Variants in HTRA1 observed in about 807,000 individuals in gnomAD.
The protein encoded by HTRA1 is serine protease HTRA1.
In HTRA1, 26 loss-of-function variants were observed where a neutral mutation model predicts 49.7. The observed-to-expected ratio is 0.52, with a 90% CI of 0.38 to 0.73. The LOEUF (loss-of-function observed/expected upper bound fraction) is 0.73. HTRA1 is among the 30% of genes least tolerant of loss of function. The pLI is 0.00. For synonymous variants in HTRA1, 291 were observed against 286.9 expected, an observed-to-expected ratio of 1.01 and a Z score of -0.14; for missense variants, 561 against 667.2, an observed-to-expected ratio of 0.84 and a Z score of 1.75.
intron 1 of HTRA1, among the ~76,000 whole-genome samples, chr10:122,468,614 G>T (rs1160548531): frequency 2.0e-5 from 3 of 152,158 alleles, no homozygotes; most frequent in African/African-American, 7.2e-5. Context: ...TGTTGGAAAA[G>T]GTTCTCTGGG....
Position 122,494,690 on chromosome 10 carries a change from C to T in HTRA1, c.777+5064C>T, listed in dbSNP as rs907175711. Among the ~76,000 whole-genome samples, 1 of 152,174 alleles carries T rather than the reference C, an allele frequency of 6.6e-6. No individual in the cohort carries two copies. Among genetic ancestry groups the T allele is most frequent in the Non-Finnish European group, 1.5e-5 (1 of 68,042 alleles). ...CCACCTTTGGGCCAGATGGCACCCACAGACCTGTTTGAAGTGGCCACAGAG... is the reference window on the plus strand; with the variant it reads ...CCACCTTTGGGCCAGATGGCACCCATAGACCTGTTTGAAGTGGCCACAGAG... On this transcript the variant is annotated intron_variant, in intron 3 of 8. Coordinates refer to ENST00000368984, the MANE Select transcript of HTRA1 (RefSeq NM_002775.5). The surrounding 1 kb of genome is among the most constrained non-coding windows in gnomAD (Gnocchi z 4.0).
At chr10:122,474,693 G>A (rs945882310) in intron 1 of HTRA1, among the ~76,000 whole-genome samples, 4 of 152,152 alleles carry the variant, frequency 2.6e-5, no homozygotes, top group African/African-American at 9.6e-5. Flanking sequence ...TTTGTGAACC[G>A]AGCAGTCAGC....
intron 1 of HTRA1, among the ~76,000 whole-genome samples, chr10:122,478,672 T>G (rs4991294): frequency 0.57 from 79,405 of 138,102 alleles, 22,283 homozygotes; most frequent in African/African-American, 0.74. Context: ...GATTACAGGC[T>G]TGAGCCACTC....
chr10:122,485,142 G>A (rs762593838), intron 1 of HTRA1, among the ~76,000 whole-genome samples: 33 of 152,336 alleles, frequency 2.2e-4, no homozygotes, highest in Admixed American at 9.1e-4. Flanking sequence ...CTGAAATGGC[G>A]TTTGGACAAG....
At chr10:122,500,926 A>G (rs1056527770) in intron 3 of HTRA1, among the ~76,000 whole-genome samples, 6 of 152,050 alleles carry the variant, frequency 3.9e-5, no homozygotes, top group South Asian at 2.1e-4. Flanking sequence ...GCTCTGTGTT[A>G]TACCCTCTCT....
intron 1 of HTRA1, among the ~76,000 whole-genome samples, chr10:122,465,185 A>G (rs1028706663): frequency 2.6e-5 from 4 of 152,214 alleles, no homozygotes; most frequent in Non-Finnish European, 5.9e-5. Context: ...AAATGAAGGC[A>G]AATCATCTAT....
At position 122,487,924 on chromosome 10, in the gene HTRA1, AGTT is replaced by A. The variant is rs2133437608; in HGVS notation, c.473-974_473-972del. ...CATGACTGTAGGTATAAAGCATTAC[AGTT>A]GTTTGATTTTTCTCTTTTTCTCACC... is the stretch of plus-strand genomic sequence containing the variant. On this transcript the variant is annotated intron_variant, in intron 1 of 8. Transcript: ENST00000368984. The surrounding 1 kb of genome is among the most constrained non-coding windows in gnomAD (Gnocchi z 4.8). Among the ~76,000 whole-genome samples the A allele has an allele frequency of 6.6e-6, 1 of 152,290 alleles. No individual in the cohort carries two copies. The highest frequency in any genetic ancestry group is 2.1e-4 in the South Asian group (1 of 4,816).
intron 7 of HTRA1, 37 bp from the exon 8 acceptor site, chr10:122,511,933 T>C: frequency 6.6e-7 from 1 of 1,518,212 alleles, no homozygotes; most frequent in South Asian, 1.1e-5. Context: ...GCCTGGTGTT[T>C]CTTCACACTA....
Position 122,464,588 on chromosome 10 carries a change from A to G in HTRA1, c.472+2464A>G, listed in dbSNP as rs2097482982. Reference sequence around the variant, plus strand: ...AAGACAAACGGGAGGTGCTTGCGATACACAGCCATTCTGTTTTTCCTTAGT... The same window carrying G: ...AAGACAAACGGGAGGTGCTTGCGATGCACAGCCATTCTGTTTTTCCTTAGT... On this transcript the variant is annotated intron_variant, in intron 1 of 8. Coordinates refer to ENST00000368984, the MANE Select transcript of HTRA1 (RefSeq NM_002775.5). The surrounding 1 kb of genome is among the most constrained non-coding windows in gnomAD (Gnocchi z 4.8). Among the ~76,000 whole-genome samples the G allele has an allele frequency of 6.6e-6, 1 of 152,240 alleles. No homozygotes were observed. Among genetic ancestry groups the G allele is most frequent in the African/African-American group, 2.4e-5 (1 of 41,454 alleles).
chr10:122,461,629 A>ACCGCCGCCG lies in HTRA1; in HGVS notation c.-18_-10dup. The ACCGCCGCCG allele has an allele frequency of 2.3e-6, 3 of 1,279,636 alleles. No homozygotes were observed. Among genetic ancestry groups the ACCGCCGCCG allele is most frequent in the Non-Finnish European group, 3.0e-6 (3 of 990,576 alleles). The allele number at this position is 1,279,636 out of a possible 1,614,324, so 79.3% of individuals were successfully genotyped here. A position where few individuals can be genotyped will look rare whatever the true frequency, so the allele number is the denominator to read the frequency against. On this transcript the variant is annotated 5_prime_UTR_variant, in exon 1 of 9. Coordinates refer to ENST00000368984, the MANE Select transcript of HTRA1 (RefSeq NM_002775.5). ...TCCGGCCCTCGCCCTGTCCGCCGCCACCGCCGCCGCCGCCAGAGTCGCCAT... is the reference window on the plus strand; with the variant it reads ...TCCGGCCCTCGCCCTGTCCGCCGCCACCGCCGCCGCCGCCGCCGCCGCCAGAGTCGCCAT...
At chr10:122,480,228 C>G (rs557119020) in intron 1 of HTRA1, among the ~76,000 whole-genome samples, 1 of 151,926 alleles carries the variant, frequency 6.6e-6, no homozygotes, top group Admixed American at 6.5e-5. Flanking sequence ...AAGGTGTGAC[C>G]TTTCTTAGTG....
chr10:122,476,405 C>T (rs1433981839), intron 1 of HTRA1, among the ~76,000 whole-genome samples: 2 of 152,240 alleles, frequency 1.3e-5, no homozygotes, highest in African/African-American at 2.4e-5. Context: ...TAACCACCTG[C>T]CTCCATCTGG....
intron 7 of HTRA1, among the ~76,000 whole-genome samples, chr10:122,511,392 T>A (rs188052103): frequency 6.6e-6 from 1 of 152,296 alleles, no homozygotes; most frequent in African/African-American, 2.4e-5. Flanking sequence ...CCAACCACTG[T>A]ACTTTACTGA....
intron 8 of HTRA1, 65 bp from the exon 9 acceptor site, chr10:122,514,126 G>A (rs1448812324): frequency 6.7e-7 from 1 of 1,499,198 alleles, no homozygotes; most frequent in Non-Finnish European, 9.3e-7. Context: ...CTCTGTCCAT[G>A]TAAAGTCAGA....
chr10:122,488,419 T>A (rs2097494033), intron 1 of HTRA1, among the ~76,000 whole-genome samples: 1 of 151,908 alleles, frequency 6.6e-6, no homozygotes, highest in Non-Finnish European at 1.5e-5. Flanking sequence ...AATACAAAAA[T>A]ACAAAGGTGG....
intron 1 of HTRA1, among the ~76,000 whole-genome samples, chr10:122,481,086 T>A (rs1275523176): frequency 6.6e-6 from 1 of 152,156 alleles, no homozygotes; most frequent in Non-Finnish European, 1.5e-5. Flanking sequence ...GAAAATAGAA[T>A]AATTTATTAT....
chr10:122,510,356 G>A (rs1484719343), intron 7 of HTRA1, among the ~76,000 whole-genome samples: 2 of 152,196 alleles, frequency 1.3e-5, no homozygotes, highest in Non-Finnish European at 2.9e-5. Flanking sequence ...TTTGCATTCT[G>A]AGCTGGTTTT....
At chr10:122,478,392 A>T (rs373310649) in intron 1 of HTRA1, among the ~76,000 whole-genome samples, 4 of 119,102 alleles carry the variant, frequency 3.4e-5, no homozygotes, top group Non-Finnish European at 3.3e-5. Context: ...AGTTTGACAG[A>T]TTTTTTTTTT....
intron 1 of HTRA1, among the ~76,000 whole-genome samples, chr10:122,486,559 G>A (rs1382485796): frequency 6.6e-6 from 1 of 152,182 alleles, no homozygotes; most frequent in Non-Finnish European, 1.5e-5. Context: ...TCCTCCCGAT[G>A]TCCCTGTGCC....
Sources: allele counts gnomAD v4.1 joint callset (sites outside exome capture counted in the v4.1 genomes callset), GRCh38; gene constraint gnomAD v4.1.1; non-coding constraint Gnocchi (gnomAD v3.1); transcripts MANE v1.5; gene names NCBI Gene and HGNC (gene_info 2026-07-23, HGNC 2026-07-21).